The following CTNNBL1 variants were observed in gnomAD, a reference collection of about 807,000 sequenced individuals.
The protein encoded by CTNNBL1 is beta-catenin-like protein 1.
Under a neutral mutation model 72.7 loss-of-function variants are expected in CTNNBL1, and 31 were observed. The observed-to-expected ratio is 0.43, with a 90% CI of 0.32 to 0.58. The LOEUF is 0.58. Among genes scored for constraint, CTNNBL1 ranks in the 20% least tolerant of loss-of-function variants. The pLI, the probability that CTNNBL1 is intolerant of heterozygous loss-of-function variation, is 0.08. For synonymous variants in CTNNBL1, 240 were observed against 267.3 expected (o/e 0.90, Z 1.00); for missense variants, 534 against 725.1 (o/e 0.74, Z 3.03).
At chr20:37,736,428 T>C (rs1225613064) in intron 2 of CTNNBL1, among the ~76,000 whole-genome samples, 1 of 152,218 alleles carries the variant, frequency 6.6e-6, no homozygotes, top group South Asian at 2.1e-4. Context: ...TTATCTTACA[T>C]GTATAGCAAA....
At chr20:37,823,684 C>A (rs1356894829) in intron 11 of CTNNBL1, among the ~76,000 whole-genome samples, 1 of 152,198 alleles carries the variant, frequency 6.6e-6, no homozygotes, top group Non-Finnish European at 1.5e-5. Context: ...AAGCAGGCAT[C>A]CAGGGAGGAT....
intron 1 of CTNNBL1, among the ~76,000 whole-genome samples, chr20:37,720,653 A>C (rs2073032597): frequency 6.6e-6 from 1 of 152,248 alleles, no homozygotes. Flanking sequence ...TGACAGCAGC[A>C]TGACATATAA....
At chr20:37,718,358 G>T (rs1293296406) in intron 1 of CTNNBL1, among the ~76,000 whole-genome samples, 2 of 143,142 alleles carry the variant, frequency 1.4e-5, no homozygotes, top group South Asian at 4.3e-4. Context: ...CAGTAGGGGC[G>T]GCCGGGCAGA....
chr20:37,738,817 C>A (rs1051754728), intron 3 of CTNNBL1, among the ~76,000 whole-genome samples: 1 of 152,114 alleles, frequency 6.6e-6, no homozygotes, highest in African/African-American at 2.4e-5. Flanking sequence ...GGAAGGCATG[C>A]CAGGCAATAT....
At chr20:37,865,437 C>G (rs1448597622) in intron 15 of CTNNBL1, among the ~76,000 whole-genome samples, 2 of 152,130 alleles carry the variant, frequency 1.3e-5, no homozygotes, top group Non-Finnish European at 2.9e-5. Context: ...ATCGTTTTGA[C>G]TATTACTACC....
At chr20:37,813,162 A>G (rs2072027216) in intron 11 of CTNNBL1, among the ~76,000 whole-genome samples, 1 of 152,156 alleles carries the variant, frequency 6.6e-6, no homozygotes, top group Non-Finnish European at 1.5e-5. Flanking sequence ...ATGGATCTGT[A>G]TTTTTACCAA....
At chr20:37,830,936 C>G (rs1056070458) in intron 11 of CTNNBL1, among the ~76,000 whole-genome samples, 3 of 152,170 alleles carry the variant, frequency 2.0e-5, no homozygotes, top group Non-Finnish European at 4.4e-5. Flanking sequence ...TGCATTTGCA[C>G]CATCGTAAAG....
At chr20:37,696,107 C>T (rs956591791) in intron 1 of CTNNBL1, among the ~76,000 whole-genome samples, 6 of 152,156 alleles carry the variant, frequency 3.9e-5, no homozygotes, top group African/African-American at 1.4e-4. Context: ...TTCATTTGCT[C>T]AACAAATATA....
intron 1 of CTNNBL1, among the ~76,000 whole-genome samples, chr20:37,698,282 G>A (rs1415425436): frequency 1.3e-5 from 2 of 152,190 alleles, no homozygotes; most frequent in African/African-American, 2.4e-5. Context: ...AGCCTAGGGC[G>A]GGCATGCTCA....
At chr20:37,866,903 G>A (rs192647699) in intron 15 of CTNNBL1, among the ~76,000 whole-genome samples, 2 of 152,138 alleles carry the variant, frequency 1.3e-5, no homozygotes, top group African/African-American at 4.8e-5. Context: ...GGAAAAGCAG[G>A]GACCAGCACA....
rs866796764 is a variant in CTNNBL1 at position 37,811,800 on chromosome 20, C to A, written c.1213+8752C>A. The stretch of plus-strand genomic sequence containing the variant: ...TGATGAATGGTCACCTCACATTTAT[C>A]GGGCATCTGTCTACTAAGCCTCAGG... On this transcript the variant is annotated intron_variant, in intron 11 of 15. Coordinates refer to ENST00000361383, the MANE Select transcript of CTNNBL1 (RefSeq NM_030877.5). Among the ~76,000 whole-genome samples the A allele has an allele frequency of 2.0e-5, 3 of 152,352 alleles. No homozygotes were observed. The Middle Eastern group carries it at 0.01, about 518-fold the overall frequency.
chr20:37,709,540 C>T (rs1033232207), intron 1 of CTNNBL1, among the ~76,000 whole-genome samples: 12 of 152,168 alleles, frequency 7.9e-5, no homozygotes, highest in South Asian at 4.1e-4. Flanking sequence ...TTTTAGCAGA[C>T]GCTCTCAACA....
At chr20:37,823,128 T>C (rs1166465908) in intron 11 of CTNNBL1, among the ~76,000 whole-genome samples, 1 of 152,228 alleles carries the variant, frequency 6.6e-6, no homozygotes, top group East Asian at 1.9e-4. Context: ...GGTTATTTTA[T>C]CTCCTCTCTG....
At chr20:37,740,901 A>T (rs904677703) in intron 3 of CTNNBL1, among the ~76,000 whole-genome samples, 1 of 152,152 alleles carries the variant, frequency 6.6e-6, no homozygotes, top group South Asian at 2.1e-4. Flanking sequence ...CTAGGACTAC[A>T]CTTTGAGAAC....
chr20:37,845,660 T>G (rs2072341275), intron 13 of CTNNBL1, among the ~76,000 whole-genome samples: 4 of 152,192 alleles, frequency 2.6e-5, no homozygotes. Flanking sequence ...CAATACGACC[T>G]CCTTTTCACC....
chr20:37,700,707 G>A (rs2072833447), intron 1 of CTNNBL1, among the ~76,000 whole-genome samples: 1 of 152,058 alleles, frequency 6.6e-6, no homozygotes, highest in Non-Finnish European at 1.5e-5. Flanking sequence ...TGAACTCCAG[G>A]GCACTCTCAT....
chr20:37,705,592 T>C (rs1422989838), intron 1 of CTNNBL1, among the ~76,000 whole-genome samples: 1 of 152,190 alleles, frequency 6.6e-6, no homozygotes, highest in East Asian at 1.9e-4. Flanking sequence ...TGCTACAGTA[T>C]AGAAATGTTC....
chr20:37,728,381 T>G (rs926951478), intron 1 of CTNNBL1, among the ~76,000 whole-genome samples: 6 of 152,248 alleles, frequency 3.9e-5, no homozygotes, highest in African/African-American at 1.4e-4. Context: ...CTAAAAAATT[T>G]AAATTACATC....
intron 4 of CTNNBL1, among the ~76,000 whole-genome samples, chr20:37,754,282 CTTTTTTTTTTTT>C (rs369597087): frequency 3.6e-5 from 4 of 111,834 alleles, no homozygotes; most frequent in South Asian, 2.8e-4. Flanking sequence ...TATTTATTTG[CTTTTTTTTTTTT>C]TTTTTTTTGA....
Sources: allele counts gnomAD v4.1 joint callset (sites outside exome capture counted in the v4.1 genomes callset), GRCh38; gene constraint gnomAD v4.1.1; transcripts MANE v1.5; gene names NCBI Gene and HGNC (gene_info 2026-07-23, HGNC 2026-07-21).